Variants in CACNB2 observed in about 807,000 individuals in gnomAD.
CACNB2 encodes calcium voltage-gated channel auxiliary subunit beta 2.
A neutral mutation model predicts 73.3 loss-of-function variants in CACNB2; 42 were observed. The observed-to-expected ratio is 0.57, with a 90% CI of 0.45 to 0.74. The LOEUF is 0.74. Among genes scored for constraint, CACNB2 ranks in the 30% least tolerant of loss-of-function variants. CACNB2 has a pLI of 0.00. For missense variants in CACNB2, 940 were observed against 853.0 expected, an observed-to-expected ratio of 1.10 and a Z score of -1.27; for synonymous variants, 348 against 310.3, an observed-to-expected ratio of 1.12 and a Z score of -1.28.
At chr10:18,275,286 A>G (rs1054199285) in intron 2 of CACNB2, among the ~76,000 whole-genome samples, 7 of 152,206 alleles carry the variant, frequency 4.6e-5, no homozygotes, top group African/African-American at 1.2e-4. Context: ...CCAATGTGCC[A>G]TCTAAATACT....
At chr10:18,498,719 T>C (rs976262769) in intron 4 of CACNB2, 3 of 496,252 alleles carry the variant, frequency 6.0e-6, no homozygotes, top group African/African-American at 5.8e-5. Context: ...GGCCCAGAAA[T>C]TGGGAACTGC....
intron 2 of CACNB2, among the ~76,000 whole-genome samples, chr10:18,386,415 T>TTTTC (rs1289778329): frequency 6.9e-6 from 1 of 145,812 alleles, no homozygotes; most frequent in Non-Finnish European, 1.5e-5. Flanking sequence ...TTTTTTTTTT[T>TTTTC]TTTTTGAGAC....
chr10:18,489,903 G>A (rs554508611), intron 3 of CACNB2, among the ~76,000 whole-genome samples: 2 of 152,108 alleles, frequency 1.3e-5, no homozygotes, highest in Admixed American at 6.5e-5. Context: ...TTTGAGACAG[G>A]GTCTCTCTCT....
chr10:18,302,794 C>T (rs2039578421), intron 2 of CACNB2, among the ~76,000 whole-genome samples: 2 of 152,174 alleles, frequency 1.3e-5, no homozygotes, highest in African/African-American at 4.8e-5. Context: ...TCTCACACAT[C>T]ACCACTAAAG....
chr10:18,429,677 A>C (rs1564538114), intron 3 of CACNB2, among the ~76,000 whole-genome samples: 2 of 141,174 alleles, frequency 1.4e-5, no homozygotes, highest in Admixed American at 7.2e-5. Context: ...AAAAAAAAAA[A>C]AAAACCAAAT....
chr10:18,256,634 G>A (rs560551364), intron 2 of CACNB2: 1 of 152,058 alleles, frequency 6.6e-6, no homozygotes, highest in Non-Finnish European at 1.5e-5. Flanking sequence ...GAAACACTTT[G>A]AGGTGCTTTT....
intron 2 of CACNB2, among the ~76,000 whole-genome samples, chr10:18,161,420 C>G (rs2032449310): frequency 6.6e-6 from 1 of 152,192 alleles, no homozygotes; most frequent in African/African-American, 2.4e-5. Flanking sequence ...ATACTTTCTC[C>G]TCTTCCTGTC....
chr10:18,141,667 GGTTTTTAC>G (rs67368806), intron 1 of CACNB2, among the ~76,000 whole-genome samples: 22,122 of 152,098 alleles, frequency 0.15, 1,768 homozygotes, highest in Admixed American at 0.2. Context: ...ATGACAAGGT[GGTTTTTAC>G]GTTTTTACGT....
chr10:18,354,142 A>G (rs1024214655), intron 2 of CACNB2, among the ~76,000 whole-genome samples: 1 of 152,242 alleles, frequency 6.6e-6, no homozygotes, highest in Non-Finnish European at 1.5e-5. Context: ...ATTTGGAGTA[A>G]TAATGATGTA....
intron 2 of CACNB2, among the ~76,000 whole-genome samples, chr10:18,172,992 C>T (rs112628506): frequency 0.033 from 4,797 of 145,840 alleles, 109 homozygotes; most frequent in Non-Finnish European, 0.046. Flanking sequence ...ACGATCTCAG[C>T]GCACTGCAAC....
At chr10:18,309,832 G>A (rs2039889872) in intron 2 of CACNB2, among the ~76,000 whole-genome samples, 1 of 152,214 alleles carries the variant, frequency 6.6e-6, no homozygotes, top group African/African-American at 2.4e-5. Flanking sequence ...ACAGTCACCT[G>A]AGAATGAGGA....
At chr10:18,485,212 T>C (rs1375221714) in intron 3 of CACNB2, among the ~76,000 whole-genome samples, 1 of 152,164 alleles carries the variant, frequency 6.6e-6, no homozygotes, top group Non-Finnish European at 1.5e-5. Context: ...TAAAATAAAG[T>C]TGAAAAGTTT....
At chr10:18,515,536 C>G (rs2051189961) in intron 7 of CACNB2, among the ~76,000 whole-genome samples, 1 of 152,198 alleles carries the variant, frequency 6.6e-6, no homozygotes, top group Non-Finnish European at 1.5e-5. Flanking sequence ...GAACTCAAGT[C>G]ATTAATGAGG....
At chr10:18,382,591 C>T (rs60937422) in intron 2 of CACNB2, among the ~76,000 whole-genome samples, 8 of 152,022 alleles carry the variant, frequency 5.3e-5, no homozygotes, top group Admixed American at 3.9e-4. Context: ...TCCCTGTGTC[C>T]GTGTGTTCTC....
At chr10:18,509,553 C>T (rs1189473456) in intron 6 of CACNB2, among the ~76,000 whole-genome samples, 1 of 152,228 alleles carries the variant, frequency 6.6e-6, no homozygotes, top group South Asian at 2.1e-4. Context: ...AATCCCAGCA[C>T]TTTGGGAGGC....
chr10:18,320,559 T>C (rs746811251), intron 2 of CACNB2, among the ~76,000 whole-genome samples: 1 of 152,212 alleles, frequency 6.6e-6, no homozygotes, highest in Non-Finnish European at 1.5e-5. Context: ...AGTCTGAATT[T>C]AGACTGCGGG....
At chr10:18,143,287 A>G (rs1361781557) in intron 1 of CACNB2, among the ~76,000 whole-genome samples, 3 of 152,236 alleles carry the variant, frequency 2.0e-5, no homozygotes, top group African/African-American at 7.2e-5. Context: ...CCAGAGGTGA[A>G]GCTGCCAGGC....
At chr10:18,513,709 A>G (rs2133122519) in intron 6 of CACNB2, 1 of 198,302 alleles carries the variant, frequency 5.0e-6, no homozygotes, top group African/African-American at 2.4e-5. Context: ...AAAAACGCAT[A>G]AAGCGAGAAA....
At chr10:18,176,885 G>A (rs2033622937) in intron 2 of CACNB2, among the ~76,000 whole-genome samples, 2 of 151,836 alleles carry the variant, frequency 1.3e-5, no homozygotes, top group African/African-American at 4.8e-5. Flanking sequence ...AGGTATGCGG[G>A]GAATGAGTGA....
Sources: allele counts gnomAD v4.1 joint callset (sites outside exome capture counted in the v4.1 genomes callset), GRCh38; gene constraint gnomAD v4.1.1; transcripts MANE v1.5; gene names NCBI Gene and HGNC (gene_info 2026-07-23, HGNC 2026-07-21).